The following TRIO variants were observed in gnomAD, a reference collection of about 807,000 sequenced individuals.
The protein encoded by TRIO is trio Rho guanine nucleotide exchange factor, also known as triple functional domain protein.
In TRIO, 58 loss-of-function variants were observed where a neutral mutation model predicts 351.9. The ratio of observed to expected loss-of-function variants is 0.16; its 90% CI spans 0.13 to 0.21. The LOEUF is 0.21. Among genes scored for constraint, TRIO ranks in the 10% least tolerant of loss-of-function variants. The pLI, the probability that TRIO is intolerant of heterozygous loss-of-function variation, is 1.00. For missense variants in TRIO, 3,201 were observed against 4,027.8 expected (o/e 0.79, Z 5.56); for synonymous variants, 1,758 against 1,595.7 (o/e 1.10, Z -2.42).
At chr5:14,202,390 C>T (rs1228832210) in intron 1 of TRIO, among the ~76,000 whole-genome samples, 1 of 131,996 alleles carries the variant, frequency 7.6e-6, no homozygotes, top group Non-Finnish European at 1.5e-5. Context: ...AATTCCTCTT[C>T]TTCCAGTGTG....
chr5:14,452,472 C>T (rs1034449886), intron 34 of TRIO, among the ~76,000 whole-genome samples: 2 of 152,254 alleles, frequency 1.3e-5, no homozygotes, highest in African/African-American at 2.4e-5. Context: ...TAAGAACCCA[C>T]ACCCAGCAGG....
At chr5:14,474,519 G>C (rs1334518695) in intron 40 of TRIO, among the ~76,000 whole-genome samples, 2 of 152,092 alleles carry the variant, frequency 1.3e-5, no homozygotes, top group Admixed American at 6.5e-5. Flanking sequence ...AAGAGTGACT[G>C]AGTTAATACT....
At chr5:14,444,080 C>CTTTT (rs34641629) in intron 34 of TRIO, among the ~76,000 whole-genome samples, 1 of 145,060 alleles carries the variant, frequency 6.9e-6, no homozygotes. Context: ...CTCTTGAAGT[C>CTTTT]TTTTTTTTTT....
intron 47 of TRIO, among the ~76,000 whole-genome samples, 168 bp from the exon 48 acceptor site, chr5:14,487,296 C>T (rs553063059): frequency 3.3e-5 from 5 of 152,256 alleles, no homozygotes; most frequent in African/African-American, 1.2e-4. Flanking sequence ...ATCCCAATAC[C>T]TTGGCAAGCA....
At chr5:14,364,320 C>T (rs1744411340) in intron 14 of TRIO, among the ~76,000 whole-genome samples, 1 of 152,148 alleles carries the variant, frequency 6.6e-6, no homozygotes, top group African/African-American at 2.4e-5. Context: ...CTGCATTATT[C>T]ATTTTACACA....
At chr5:14,392,674 C>T (rs1747195920) in intron 27 of TRIO, among the ~76,000 whole-genome samples, 1 of 152,204 alleles carries the variant, frequency 6.6e-6, no homozygotes, top group South Asian at 2.1e-4. Context: ...TTGGAACCAA[C>T]CCAAATGCCC....
At chr5:14,201,970 G>T (rs549457153) in intron 1 of TRIO, among the ~76,000 whole-genome samples, 2 of 125,236 alleles carry the variant, frequency 1.6e-5, no homozygotes, top group East Asian at 5.7e-4. Flanking sequence ...GCCTGTTGTG[G>T]GGTGGGGGGA....
At chr5:14,485,302 A>C in intron 47 of TRIO, 56 bp downstream of exon 47, 1 of 1,487,822 alleles carries the variant, frequency 6.7e-7, no homozygotes, top group Non-Finnish European at 9.0e-7. Flanking sequence ...ACTCACTTGT[A>C]TTTATCTTCC....
intron 1 of TRIO, among the ~76,000 whole-genome samples, chr5:14,254,852 T>C (rs1794941551): frequency 6.6e-6 from 1 of 152,234 alleles, no homozygotes. Flanking sequence ...ACTGAGTTTA[T>C]GGGCAGGTCT....
At chr5:14,429,448 T>C (rs1397210451) in intron 34 of TRIO, among the ~76,000 whole-genome samples, 3 of 152,304 alleles carry the variant, frequency 2.0e-5, no homozygotes, top group African/African-American at 7.2e-5. Flanking sequence ...GAGCTGAAAA[T>C]GCAAAGAGAA....
chr5:14,499,172 C>A (rs1757104459), intron 53 of TRIO: 1 of 153,198 alleles, frequency 6.5e-6, no homozygotes, highest in Non-Finnish European at 1.5e-5. Flanking sequence ...CCCTCCTCAC[C>A]CCATCCAGGA....
intron 1 of TRIO, among the ~76,000 whole-genome samples, chr5:14,203,012 A>C (rs553356509): frequency 2.0e-5 from 3 of 152,224 alleles, no homozygotes; most frequent in Admixed American, 2.0e-4. Context: ...ATGATAAGCT[A>C]TTATCGTTTG....
intron 33 of TRIO, among the ~76,000 whole-genome samples, chr5:14,413,590 T>C (rs1226494388): frequency 6.6e-6 from 1 of 152,226 alleles, no homozygotes; most frequent in Non-Finnish European, 1.5e-5. Flanking sequence ...TGGCTTTTTG[T>C]ATATTTTTTT....
In TRIO at chr5:14,185,265, AG is replaced by A. The variant is rs1561177378; in HGVS notation, c.157+41384del. Among the ~76,000 whole-genome samples, 5 of 151,968 alleles carry A rather than the reference AG, an allele frequency of 3.3e-5. No homozygotes were observed. In the South Asian group the frequency reaches 8.3e-4, roughly 25 times the overall value. ...AACAGTGAAAGTTCTGGAGGATTAC[AG>A]AAGCACTTGGTCCTATTTTCTTTCA... On this transcript the variant is annotated intron_variant, in intron 1 of 56. Transcript: ENST00000344204.
rs116334971 is a variant in TRIO at position 14,379,524 on chromosome 5, C to T, written c.3447+1397C>T. The stretch of plus-strand genomic sequence containing the variant: ...ACGTTCCAGGTGTAGCCAGCATGTT[C>T]CCAACAGCCAGGTGGCATGCAGTCA... On this transcript the variant is annotated intron_variant, in intron 20 of 56. Coordinates refer to ENST00000344204, the MANE Select transcript of TRIO (RefSeq NM_007118.4). 8.0e-3 allele frequency among the ~76,000 whole-genome samples: 1,224 copies of T among 152,272 alleles called. 13 individuals are homozygous for T. Among genetic ancestry groups the T allele is most frequent in the African/African-American group, 0.028 (1,153 of 41,562 alleles).
At chr5:14,153,043 A>G (rs895075821) in intron 1 of TRIO, among the ~76,000 whole-genome samples, 4 of 152,230 alleles carry the variant, frequency 2.6e-5, no homozygotes, top group Non-Finnish European at 4.4e-5. Context: ...CTGGAGTCTG[A>G]ATTCTCATAA....
chr5:14,178,816 T>C (rs887174969), intron 1 of TRIO, among the ~76,000 whole-genome samples: 1 of 152,208 alleles, frequency 6.6e-6, no homozygotes, highest in African/African-American at 2.4e-5. Flanking sequence ...ACAGGGGTGC[T>C]GCTGAGTCAG....
chr5:14,152,649 C>T (rs1787907305), intron 1 of TRIO, among the ~76,000 whole-genome samples: 1 of 152,196 alleles, frequency 6.6e-6, no homozygotes. Flanking sequence ...GGATTACAGG[C>T]GTGAGCCACT....
At chr5:14,350,421 C>G (rs1742958206) in intron 11 of TRIO, among the ~76,000 whole-genome samples, 1 of 152,130 alleles carries the variant, frequency 6.6e-6, no homozygotes, top group Admixed American at 6.5e-5. Context: ...AAAAAAAACC[C>G]CAAAGTCAAA....
Sources: allele counts gnomAD v4.1 joint callset (sites outside exome capture counted in the v4.1 genomes callset), GRCh38; gene constraint gnomAD v4.1.1; transcripts MANE v1.5; gene names NCBI Gene and HGNC (gene_info 2026-07-23, HGNC 2026-07-21).